The following TEX9 variants were observed in gnomAD, a reference collection of about 807,000 sequenced individuals.
TEX9 encodes the protein testis expressed 9, also known as testis-expressed protein 9.
Under a neutral mutation model 59.6 loss-of-function variants are expected in TEX9, and 74 were observed. That is an observed-to-expected ratio of 1.24 (90% confidence interval 1.03 to 1.51). The LOEUF (loss-of-function observed/expected upper bound fraction) is 1.51. Among genes scored for constraint, TEX9 ranks in the 40% most tolerant of loss-of-function variants. TEX9 has a pLI of 0.00. For missense variants in TEX9, 522 were observed against 447.8 expected (o/e 1.17, Z -1.49); for synonymous variants, 186 against 152.2 (o/e 1.22, Z -1.64).
chr15:56,346,089 C>T (rs545542582), intron 1 of TEX9, among the ~76,000 whole-genome samples: 1 of 152,250 alleles, frequency 6.6e-6, no homozygotes, highest in South Asian at 2.1e-4. Context: ...GCTTGCTTCT[C>T]ATAGAGTTTA....
chr15:56,396,523 A>G (rs1373734933), intron 9 of TEX9: 1 of 150,378 alleles, frequency 6.6e-6, no homozygotes, highest in Non-Finnish European at 1.5e-5. Flanking sequence ...ACTTTTCCCA[A>G]ATGTCACATA....
intron 1 of TEX9, among the ~76,000 whole-genome samples, chr15:56,344,859 A>T (rs769181790): frequency 6.6e-6 from 1 of 151,800 alleles, no homozygotes; most frequent in South Asian, 2.1e-4. Flanking sequence ...AATTACAGGA[A>T]AGTTAGATCT....
intron 1 of TEX9, among the ~76,000 whole-genome samples, chr15:56,301,177 G>A (rs2045352043): frequency 6.6e-6 from 1 of 152,086 alleles, no homozygotes; most frequent in African/African-American, 2.4e-5. Context: ...TAATTAAAAA[G>A]AATCAAGCAG....
intron 12 of TEX9, chr15:56,443,657 CT>C: frequency 6.2e-7 from 1 of 1,612,544 alleles, no homozygotes; most frequent in South Asian, 1.1e-5. Context: ...AAGCTGTAGC[CT>C]TTTCTCCTCA....
chr15:56,246,276 A>G (rs1401682047), intron 1 of TEX9, among the ~76,000 whole-genome samples: 2 of 152,144 alleles, frequency 1.3e-5, no homozygotes, highest in Non-Finnish European at 2.9e-5. Context: ...CCGGCCTTCC[A>G]GGACCTACAG....
At chr15:56,306,194 G>T (rs12440339) in intron 1 of TEX9, among the ~76,000 whole-genome samples, 6,330 of 139,036 alleles carry the variant, frequency 0.046, 200 homozygotes, top group Admixed American at 0.097. Context: ...CAGTATGGAG[G>T]TTCCTCAGAA....
At chr15:56,271,934 A>C (rs2044543191) in intron 1 of TEX9, among the ~76,000 whole-genome samples, 2 of 152,116 alleles carry the variant, frequency 1.3e-5, no homozygotes, top group African/African-American at 4.8e-5. Flanking sequence ...AGGTCAGGAG[A>C]TCGAGACCAT....
chr15:56,345,077 G>GTATA (rs201729715), intron 1 of TEX9, among the ~76,000 whole-genome samples: 2 of 113,774 alleles, frequency 1.8e-5, no homozygotes, highest in East Asian at 2.3e-4. Flanking sequence ...ATATATATAT[G>GTATA]TATATATATA....
At chr15:56,329,931 A>G (rs2141757014) in intron 1 of TEX9, among the ~76,000 whole-genome samples, 1 of 152,210 alleles carries the variant, frequency 6.6e-6, no homozygotes, top group South Asian at 2.1e-4. Flanking sequence ...AGGTTATAGA[A>G]CACCAAGCAG....
intron 1 of TEX9, among the ~76,000 whole-genome samples, chr15:56,321,506 A>G (rs1392534343): frequency 6.6e-6 from 1 of 152,188 alleles, no homozygotes; most frequent in East Asian, 1.9e-4. Flanking sequence ...TCCAAAGAAA[A>G]TACTGCAATT....
chr15:56,371,201 T>G (rs1596130719), intron 2 of TEX9, among the ~76,000 whole-genome samples: 3 of 152,310 alleles, frequency 2.0e-5, no homozygotes, highest in African/African-American at 7.2e-5. Context: ...ACATCTGTCT[T>G]CAATGGATGT....
rs768749082 is a variant in TEX9 at position 56,373,524 on chromosome 15, T to C, written c.183+20T>C. 4 of 1,514,916 alleles carry C rather than the reference T, an allele frequency of 2.6e-6. No individual in the cohort carries two copies. The South Asian group carries it at 3.9e-5, about 15-fold the overall frequency. 93.8% of individuals were successfully genotyped at this position (1,514,916 alleles called of 1,614,324 possible). On this transcript the variant is annotated intron_variant, in intron 3 of 12. Coordinates refer to ENST00000352903, the Ensembl canonical transcript of TEX9. Reference sequence around the variant, plus strand: ...ATAATAGTAAGTATATGTACAATTATTAATAATTCTATATAAATGCTAGTT... The same window carrying C: ...ATAATAGTAAGTATATGTACAATTACTAATAATTCTATATAAATGCTAGTT...
chr15:56,296,555 A>C (rs1293859217), intron 1 of TEX9, among the ~76,000 whole-genome samples: 1 of 152,228 alleles, frequency 6.6e-6, no homozygotes, highest in East Asian at 1.9e-4. Context: ...TTTCGGCTAC[A>C]ATATCTCAAA....
intron 1 of TEX9, among the ~76,000 whole-genome samples, chr15:56,300,708 G>GAGAGAGAGAGGGA (rs2045331855): frequency 9.7e-6 from 1 of 102,668 alleles, no homozygotes; most frequent in African/African-American, 4.0e-5. Context: ...AGAGAGAGAG[G>GAGAGAGAGAGGGA]GAGAGAGAGA....
intron 1 of TEX9, among the ~76,000 whole-genome samples, chr15:56,255,533 G>A (rs971247088): frequency 1.3e-5 from 2 of 151,874 alleles, no homozygotes; most frequent in African/African-American, 4.8e-5. Context: ...AAATAAAAAC[G>A]TAGAAAGATA....
chr15:56,405,247 C>G (rs1292969731), intron 9 of TEX9, among the ~76,000 whole-genome samples: 1 of 148,348 alleles, frequency 6.7e-6, no homozygotes, highest in African/African-American at 2.5e-5. Flanking sequence ...AGGGAGCTTG[C>G]GGTAAGCCTA....
At chr15:56,365,736 T>G (rs779655146) in intron 2 of TEX9, 66 bp downstream of exon 2, 4 of 1,597,066 alleles carry the variant, frequency 2.5e-6, no homozygotes, top group Non-Finnish European at 3.4e-6. Context: ...TTACAAGTAC[T>G]TTTTTCTGGA....
At chr15:56,394,677 A>G (rs780125595) in exon 9 of TEX9, 1 of 1,597,716 alleles carries the variant, frequency 6.3e-7, no homozygotes, top group South Asian at 1.1e-5. Context: ...GAAATTCAGA[A>G]TTTAAAGTCT....
chr15:56,390,889 A>T (rs2048176510), intron 6 of TEX9, among the ~76,000 whole-genome samples: 1 of 151,880 alleles, frequency 6.6e-6, no homozygotes, highest in East Asian at 1.9e-4. Flanking sequence ...CAAGTGCAAT[A>T]CTCTTAGTTT....
Sources: allele counts gnomAD v4.1 joint callset (sites outside exome capture counted in the v4.1 genomes callset), GRCh38; gene constraint gnomAD v4.1.1; transcripts MANE v1.5; gene names NCBI Gene and HGNC (gene_info 2026-07-23, HGNC 2026-07-21).